AP1M1: variants seen among roughly 807,000 people sequenced by gnomAD.
AP1M1 encodes the protein AP-1 complex subunit mu-1.
Under a neutral mutation model 57.1 loss-of-function variants are expected in AP1M1, and 18 were observed. The ratio of observed to expected loss-of-function variants is 0.32; its 90% CI spans 0.22 to 0.47. AP1M1 has a LOEUF of 0.47. Ranked by LOEUF, AP1M1 falls within the 20% of genes least tolerant of loss-of-function variation. The pLI, the probability that AP1M1 is intolerant of heterozygous loss-of-function variation, is 1.00. For missense variants in AP1M1, 362 were observed against 593.5 expected, an observed-to-expected ratio of 0.61 and a Z score of 4.05; for synonymous variants, 241 against 237.9, an observed-to-expected ratio of 1.01 and a Z score of -0.12.
In AP1M1 at chr19:16,233,517, G is replaced by T. The variant is rs2091607926; in HGVS notation, c.1072G>T (p.Ala358Ser). 1.9e-6 allele frequency: 3 copies of T among 1,604,088 alleles called. No individual in the cohort carries two copies. The highest frequency in any genetic ancestry group is 1.6e-4 in the Middle Eastern group (1 of 6,068). ...GGGCGGCAAGGAGTACCTGATGCGGGCCCACTTCGGCCTGCCTAGTGTGGA... is the reference window on the plus strand; with the variant it reads ...GGGCGGCAAGGAGTACCTGATGCGGTCCCACTTCGGCCTGCCTAGTGTGGA... ...FPGGKEYLMR[A>S]HFGLPSVEAE... is the part of the protein sequence containing the mutation. Residue 358 changes from alanine to serine, a missense_variant, in exon 10 of 12, where the codon GCC becomes TCC. Coordinates refer to ENST00000291439, the MANE Select transcript of AP1M1 (RefSeq NM_032493.4).
chr19:16,242,332 GA>G lies in AP1M1; in HGVS notation c.*7902del, dbSNP rs2091648465. 2.0e-5 allele frequency: 3 copies of G among 151,838 alleles called. No individual in the cohort carries two copies. The highest frequency in any genetic ancestry group is 4.4e-5 in the Non-Finnish European group (3 of 67,974). 9.4% of individuals were successfully genotyped at this position (151,838 alleles called of 1,614,324 possible). A position where few individuals can be genotyped will look rare whatever the true frequency, so the allele number is the denominator to read the frequency against. Reference sequence around the variant, plus strand: ...CTCAAAAAAAAAAAATAAAATAAAGGAAAAATCAGGATAAATGCAGGGATGT... The same window carrying G: ...CTCAAAAAAAAAAAATAAAATAAAGGAAAATCAGGATAAATGCAGGGATGT... On this transcript the variant is annotated 3_prime_UTR_variant, in exon 12 of 12. Coordinates refer to ENST00000291439, the MANE Select transcript of AP1M1 (RefSeq NM_032493.4).
rs761406450 is a variant in AP1M1, at chr19:16,203,071, G to T, written c.43-388G>T. The T allele has an allele frequency of 5.5e-5, 13 of 235,380 alleles. No homozygotes were observed. The highest frequency in any genetic ancestry group is 1.1e-4 in the Non-Finnish European group (13 of 117,480). 14.6% of individuals were successfully genotyped at this position (235,380 alleles called of 1,614,324 possible). A position where few individuals can be genotyped will look rare whatever the true frequency, so the allele number is the denominator to read the frequency against. Reference sequence around the variant, plus strand: ...CAGTAAATACGAACCTTCAGCGGGAGTGGGCGCCCTGACACAGGCGGGAGA... The same window carrying T: ...CAGTAAATACGAACCTTCAGCGGGATTGGGCGCCCTGACACAGGCGGGAGA... On this transcript the variant is annotated intron_variant, in intron 1 of 11. Transcript: ENST00000291439. This position sits in a 1 kb window ranked among gnomAD's most constrained non-coding sequence, Gnocchi z 4.6.
At chr19:16,219,406 T>G (rs566921875) in intron 5 of AP1M1, among the ~76,000 whole-genome samples, 52 of 150,746 alleles carry the variant, frequency 3.4e-4, no homozygotes, top group African/African-American at 7.9e-4. Flanking sequence ...TTGTTTTTTT[T>G]TTTTTTTTGA....
intron 5 of AP1M1, among the ~76,000 whole-genome samples, chr19:16,214,415 G>C (rs1281135943): frequency 2.9e-5 from 4 of 138,754 alleles, no homozygotes; most frequent in Non-Finnish European, 6.1e-5. Flanking sequence ...GCAATGGCAT[G>C]ATCTCTGCTC....
chr19:16,221,130 T>C (rs1599461669), intron 5 of AP1M1, among the ~76,000 whole-genome samples: 1 of 152,342 alleles, frequency 6.6e-6, no homozygotes, highest in South Asian at 2.1e-4. Flanking sequence ...GTTTTTTTGT[T>C]TTGTTTTGTT....
Position 16,208,015 on chromosome 19 carries a change from A to G in AP1M1, c.268-4A>G, listed in dbSNP as rs531853349. On this transcript the variant is annotated splice_polypyrimidine_tract_variant and splice_region_variant and intron_variant, in intron 3 of 11. Coordinates refer to ENST00000291439, the MANE Select transcript of AP1M1 (RefSeq NM_032493.4). ...ATTCCTCCCTCCCTCCCCAACCGCC[A>G]CAGGTGTTTTCCGAGTACTTCAAGG... The G allele has an allele frequency of 1.2e-5, 20 of 1,610,518 alleles. No homozygotes were observed. In the African/African-American group the frequency reaches 2.4e-4, roughly 19 times the overall value.
At chr19:16,215,230 G>T (rs2091514283) in intron 5 of AP1M1, among the ~76,000 whole-genome samples, 1 of 65,884 alleles carries the variant, frequency 1.5e-5, no homozygotes, top group Non-Finnish European at 4.0e-5. Flanking sequence ...GAGGGGGGAG[G>T]GGAGGGGATC....
chr19:16,232,420 CTTTG>C (rs911173650), intron 9 of AP1M1, among the ~76,000 whole-genome samples: 8 of 152,236 alleles, frequency 5.3e-5, no homozygotes, highest in Non-Finnish European at 7.3e-5. Context: ...CCTGCATTTT[CTTTG>C]TTTGTGTTTT....
chr19:16,233,055 T>G (rs1348899351), intron 9 of AP1M1, among the ~76,000 whole-genome samples: 1 of 152,220 alleles, frequency 6.6e-6, no homozygotes, highest in Admixed American at 6.5e-5. Flanking sequence ...TTTCACATGC[T>G]GTTCTGAGAC....
chr19:16,209,788 GGTT>G (rs1210726880), intron 5 of AP1M1, among the ~76,000 whole-genome samples: 3 of 152,174 alleles, frequency 2.0e-5, no homozygotes, highest in Admixed American at 6.5e-5. Flanking sequence ...TTTTGGTGGT[GGTT>G]GTTGTTTGGG....
chr19:16,208,998 A>T, intron 4 of AP1M1, 32 bp from the exon 5 acceptor site: 1 of 1,599,966 alleles, frequency 6.3e-7, no homozygotes. Flanking sequence ...TGCGGGTACC[A>T]CCTCCTTCAC....
chr19:16,203,754 C>A lies in AP1M1; in HGVS notation c.199+139C>A. 1 of 873,284 alleles carries A rather than the reference C, an allele frequency of 1.1e-6. No individual in the cohort carries two copies. 54.1% of individuals were successfully genotyped at this position (873,284 alleles called of 1,614,324 possible). ...AGCCATGCCCTCCTGGAGCTCCCTG[C>A]TGCCTGCGGAGACAGGCAGACAATG... On this transcript the variant is annotated intron_variant, in intron 2 of 11. Transcript: ENST00000291439. The surrounding 1 kb of genome is among the most constrained non-coding windows in gnomAD (Gnocchi z 4.6).
rs770189489 is a variant in AP1M1 at position 16,234,201 on chromosome 19, G to A, written c.1176G>A (p.Val392=). 3 of 1,613,250 alleles carry A rather than the reference G, an allele frequency of 1.9e-6. No homozygotes were observed. The highest frequency in any genetic ancestry group is 2.2e-5 in the South Asian group (2 of 90,952). Residue 392 remains valine (V), a splice_region_variant and synonymous_variant, in exon 11 of 12, where the codon GTG becomes GTA. Transcript: ENST00000291439. The part of the protein sequence containing the change: ...IPYFTTSGIQ[V]RYLKIIEKSG... Reference sequence around the variant, plus strand: ...GGGCCCTGCTACCTGTGCCCCAGGTGCGCTACCTGAAGATCATTGAGAAGA... The same window carrying A: ...GGGCCCTGCTACCTGTGCCCCAGGTACGCTACCTGAAGATCATTGAGAAGA...
rs1270205348 is a variant in AP1M1 at position 16,233,515 on chromosome 19, G to A, written c.1070G>A (p.Arg357Gln). 2 of 1,604,960 alleles carry A rather than the reference G, an allele frequency of 1.2e-6. No individual in the cohort carries two copies. ...SFPGGKEYLMRAHFGLPSVEA... is the reference protein window; with the variant it reads ...SFPGGKEYLMQAHFGLPSVEA... Reference sequence around the variant, plus strand: ...CAGGGCGGCAAGGAGTACCTGATGCGGGCCCACTTCGGCCTGCCTAGTGTG... The same window carrying A: ...CAGGGCGGCAAGGAGTACCTGATGCAGGCCCACTTCGGCCTGCCTAGTGTG... The change falls in exon 10 of 12, where the codon CGG becomes CAG. Residue 357 changes from arginine (R) to glutamine (Q), a missense_variant. Around this residue, in one of 2 missense-constraint regions of AP1M1, gnomAD observed 337 missense variants for 511.1 expected, o/e 0.66. Transcript: ENST00000291439.
rs377648467 is a variant in AP1M1, at chr19:16,206,421, C to T, written c.267+13C>T. 16 of 1,613,572 alleles carry T rather than the reference C, an allele frequency of 9.9e-6. No individual in the cohort carries two copies. Among genetic ancestry groups the T allele is most frequent in the African/African-American group, 5.3e-5 (4 of 74,884 alleles). On this transcript the variant is annotated intron_variant, in intron 3 of 11. Coordinates refer to ENST00000291439, the MANE Select transcript of AP1M1 (RefSeq NM_032493.4). The surrounding 1 kb of genome is among the most constrained non-coding windows in gnomAD (Gnocchi z 4.3). ...TAAGGTGGTGCAGGTGAGTCTCGCT[C>T]GGAGGGGCCGTGGGCTTGGGTGGAG...
At chr19:16,224,179 G>C (rs911151463) in intron 5 of AP1M1, among the ~76,000 whole-genome samples, 13 of 152,236 alleles carry the variant, frequency 8.5e-5, no homozygotes, top group African/African-American at 2.9e-4. Context: ...ACGGGACAGT[G>C]GCCTCGCTAA....
At chr19:16,198,590 G>A (rs2091434340) in intron 1 of AP1M1, among the ~76,000 whole-genome samples, 1 of 152,202 alleles carries the variant, frequency 6.6e-6, no homozygotes, top group Admixed American at 6.5e-5. Flanking sequence ...TAGGTGAGGT[G>A]AGTGGTGATC....
At chr19:16,223,722 T>TG (rs1436707281) in intron 5 of AP1M1, among the ~76,000 whole-genome samples, 4 of 152,030 alleles carry the variant, frequency 2.6e-5, no homozygotes, top group Non-Finnish European at 4.4e-5. Flanking sequence ...CACTTTCTCG[T>TG]GGGGGGCGGT....
At chr19:16,200,482 GC>G (rs761819435) in intron 1 of AP1M1, among the ~76,000 whole-genome samples, 1 of 152,140 alleles carries the variant, frequency 6.6e-6, no homozygotes, top group Non-Finnish European at 1.5e-5. Context: ...GATCAGACCT[GC>G]CTTTCAGAAA....
Sources: allele counts gnomAD v4.1 joint callset (sites outside exome capture counted in the v4.1 genomes callset), GRCh38; gene constraint gnomAD v4.1.1; regional missense constraint gnomAD v4.1.1; non-coding constraint Gnocchi (gnomAD v3.1); transcripts MANE v1.5; gene names NCBI Gene and HGNC (gene_info 2026-07-23, HGNC 2026-07-21).